MDGA2: variants seen among roughly 807,000 people sequenced by gnomAD.
MDGA2 encodes the protein MAM domain-containing glycosylphosphatidylinositol anchor protein 2.
Under a neutral mutation model 117.8 loss-of-function variants are expected in MDGA2, and 40 were observed. That is an observed-to-expected ratio of 0.34 (90% CI 0.26 to 0.44). The LOEUF is 0.44. Ranked by LOEUF, MDGA2 falls within the 20% of genes least tolerant of loss-of-function variation. The pLI, the probability that MDGA2 is intolerant of heterozygous loss-of-function variation, is 1.00. For synonymous variants in MDGA2, 452 were observed against 439.0 expected (o/e 1.03, Z -0.37); for missense variants, 1,123 against 1,250.6 (o/e 0.90, Z 1.54).
chr14:47,056,328 T>G (rs1179397223), intron 7 of MDGA2, among the ~76,000 whole-genome samples: 1 of 152,154 alleles, frequency 6.6e-6, no homozygotes, highest in Non-Finnish European at 1.5e-5. Context: ...CAGACACTGG[T>G]TAACTAAAAT....
At chr14:47,438,377 T>C (rs761996218) in intron 1 of MDGA2, among the ~76,000 whole-genome samples, 2 of 152,154 alleles carry the variant, frequency 1.3e-5, no homozygotes, top group Non-Finnish European at 2.9e-5. Flanking sequence ...TCCCACCACC[T>C]TCAAAGAAAT....
chr14:47,206,521 T>A (rs1315868285), intron 3 of MDGA2, among the ~76,000 whole-genome samples: 1 of 151,734 alleles, frequency 6.6e-6, no homozygotes, highest in Non-Finnish European at 1.5e-5. Context: ...AGCCCAGGAG[T>A]TAAAGGTTGC....
chr14:47,281,684 AT>A (rs1410969143), intron 2 of MDGA2, among the ~76,000 whole-genome samples: 1 of 152,164 alleles, frequency 6.6e-6, no homozygotes, highest in Non-Finnish European at 1.5e-5. Flanking sequence ...TAAATCCATT[AT>A]TTTTTAGGTG....
At chr14:47,186,307 T>C (rs1304327614) in intron 3 of MDGA2, among the ~76,000 whole-genome samples, 1 of 151,680 alleles carries the variant, frequency 6.6e-6, no homozygotes, top group Admixed American at 6.6e-5. Context: ...ATTTGGCTTA[T>C]TAATTTTAAT....
chr14:47,057,600 C>CTTTTCTT (rs72438304), intron 7 of MDGA2, among the ~76,000 whole-genome samples: 1 of 149,612 alleles, frequency 6.7e-6, no homozygotes, highest in East Asian at 2.0e-4. Flanking sequence ...CCTCTCTTTT[C>CTTTTCTT]TTCTTTCCTT....
At chr14:47,194,069 T>A (rs1203304843) in intron 3 of MDGA2, among the ~76,000 whole-genome samples, 3 of 152,198 alleles carry the variant, frequency 2.0e-5, no homozygotes, top group Non-Finnish European at 4.4e-5. Flanking sequence ...TCCATGTATT[T>A]CCCATAATTA....
At chr14:47,423,417 C>T (rs1892620116) in intron 1 of MDGA2, among the ~76,000 whole-genome samples, 1 of 152,116 alleles carries the variant, frequency 6.6e-6, no homozygotes, top group Admixed American at 6.6e-5. Context: ...GCTTTACGCG[C>T]ACTGTTCACC....
At chr14:47,058,215 G>A (rs1175158630) in intron 7 of MDGA2, among the ~76,000 whole-genome samples, 1 of 152,034 alleles carries the variant, frequency 6.6e-6, no homozygotes, top group African/African-American at 2.4e-5. Context: ...AGTAACAATT[G>A]AGATTCGATG....
chr14:47,266,395 T>C (rs560285994), intron 2 of MDGA2, among the ~76,000 whole-genome samples: 2 of 152,280 alleles, frequency 1.3e-5, no homozygotes, highest in South Asian at 4.1e-4. Flanking sequence ...CCACTGCCAC[T>C]ACCCTGGTCA....
chr14:47,081,122 C>T (rs1890693953), intron 6 of MDGA2, among the ~76,000 whole-genome samples: 1 of 151,890 alleles, frequency 6.6e-6, no homozygotes, highest in Admixed American at 6.6e-5. Context: ...TTGACAACAC[C>T]TTCATTTTTA....
chr14:47,114,849 A>T (rs1349075870), intron 5 of MDGA2, among the ~76,000 whole-genome samples: 1 of 152,082 alleles, frequency 6.6e-6, no homozygotes, highest in Admixed American at 6.6e-5. Context: ...ACCTTTTGGA[A>T]CATAGGCATG....
chr14:47,398,472 G>C (rs1892063840), intron 1 of MDGA2, among the ~76,000 whole-genome samples: 1 of 152,040 alleles, frequency 6.6e-6, no homozygotes, highest in Non-Finnish European at 1.5e-5. Flanking sequence ...ATTTTTTGGA[G>C]AGGTTGTTAT....
At chr14:46,873,244 ATT>A (rs1882087284) in intron 14 of MDGA2, 187 bp downstream of exon 14, 1 of 499,480 alleles carries the variant, frequency 2.0e-6, no homozygotes. Context: ...AAAATGTCAA[ATT>A]CCAAATCTAA....
chr14:47,373,754 C>T (rs949265805), intron 1 of MDGA2, among the ~76,000 whole-genome samples: 5 of 152,004 alleles, frequency 3.3e-5, no homozygotes, highest in Non-Finnish European at 5.9e-5. Flanking sequence ...TCGGTCATAG[C>T]TGCACAACTT....
chr14:47,360,858 A>G (rs555722448), intron 1 of MDGA2, among the ~76,000 whole-genome samples: 1 of 152,236 alleles, frequency 6.6e-6, no homozygotes, highest in East Asian at 1.9e-4. Flanking sequence ...ACATGAGACT[A>G]AGTAAAATAA....
At chr14:47,538,958 T>C (rs935261381) in intron 1 of MDGA2, among the ~76,000 whole-genome samples, 1 of 152,138 alleles carries the variant, frequency 6.6e-6, no homozygotes, top group African/African-American at 2.4e-5. Context: ...CCTCCCCAAG[T>C]CTAGGATTCA....
chr14:46,884,726 A>AT lies in MDGA2; in HGVS notation c.2239-2506dup, dbSNP rs1422501841. Among the ~76,000 whole-genome samples the AT allele has an allele frequency of 1.3e-5, 2 of 152,146 alleles. No homozygotes were observed. Among genetic ancestry groups the AT allele is most frequent in the African/African-American group, 4.8e-5 (2 of 41,444 alleles). On this transcript the variant is annotated intron_variant, in intron 10 of 16. Coordinates refer to ENST00000399232, the MANE Select transcript of MDGA2 (RefSeq NM_001113498.3). The surrounding 1 kb of genome is among the most constrained non-coding windows in gnomAD (Gnocchi z 4.1). Reference sequence around the variant, plus strand: ...AAAAAACCACTTGAATTGGAACCTTATATCTTATACATAAAATTCAGTCTC... The same window carrying AT: ...AAAAAACCACTTGAATTGGAACCTTATTATCTTATACATAAAATTCAGTCTC...
intron 3 of MDGA2, among the ~76,000 whole-genome samples, chr14:47,153,648 A>G (rs1422348038): frequency 4.0e-5 from 6 of 151,676 alleles, no homozygotes; most frequent in African/African-American, 1.5e-4. Context: ...GAAAAAGGGA[A>G]GGACCAGTGA....
At chr14:47,453,825 A>C (rs1244361263) in intron 1 of MDGA2, among the ~76,000 whole-genome samples, 1 of 152,164 alleles carries the variant, frequency 6.6e-6, no homozygotes, top group African/African-American at 2.4e-5. Context: ...AGGTGGAAGC[A>C]GTTGGAAATG....
Sources: allele counts gnomAD v4.1 joint callset (sites outside exome capture counted in the v4.1 genomes callset), GRCh38; gene constraint gnomAD v4.1.1; non-coding constraint Gnocchi (gnomAD v3.1); transcripts MANE v1.5; gene names NCBI Gene and HGNC (gene_info 2026-07-23, HGNC 2026-07-21).